Variants in CALB2 observed in about 807,000 individuals in gnomAD.
CALB2 encodes calretinin.
A neutral mutation model predicts 45.9 loss-of-function variants in CALB2; 34 were observed. That is an observed-to-expected ratio of 0.74 (90% CI 0.56 to 0.99). The LOEUF (loss-of-function observed/expected upper bound fraction) is 0.99. CALB2 is among the 50% of genes least tolerant of loss of function. The pLI, the probability that CALB2 is intolerant of heterozygous loss-of-function variation, is 0.00. For synonymous variants in CALB2, 142 were observed against 129.6 expected (o/e 1.10, Z -0.65); for missense variants, 344 against 339.3 (o/e 1.01, Z -0.11).
intron 2 of CALB2, among the ~76,000 whole-genome samples, chr16:71,372,655 G>A (rs1450587686): frequency 6.6e-6 from 1 of 152,186 alleles, no homozygotes; most frequent in African/African-American, 2.4e-5. Context: ...TGGCATTTGA[G>A]GCTGAATAAT....
At chr16:71,367,427 C>T (rs1454147688) in intron 1 of CALB2, among the ~76,000 whole-genome samples, 2 of 152,174 alleles carry the variant, frequency 1.3e-5, no homozygotes, top group Admixed American at 6.5e-5. Flanking sequence ...AGGGTGTGCA[C>T]CAGCCCCTCC....
At position 71,372,224 on chromosome 16, in the gene CALB2, G is replaced by C. The variant is rs2042359735; in HGVS notation, c.166G>C (p.Gly56Arg). The C allele has an allele frequency of 6.2e-7, 1 of 1,612,138 alleles. No individual in the cohort carries two copies. Among genetic ancestry groups the C allele is most frequent in the African/African-American group, 1.3e-5 (1 of 74,850 alleles). Residue 56 changes from glycine (G) to arginine (R), a missense_variant, in exon 2 of 11, where the codon GGC becomes CGC. Physicochemically the swap from Gly to Arg is moderately radical, Grantham distance 125. Transcript: ENST00000302628. ...GCTGGAGAAGGCAAGGAAAGGCTCTGGCATGGTAAGCCCAGCCCTGTCTCC... is the reference window on the plus strand; with the variant it reads ...GCTGGAGAAGGCAAGGAAAGGCTCTCGCATGGTAAGCCCAGCCCTGTCTCC... ...QELEKARKGS[G>R]MMSKSDNFGE...
At position 71,389,793 on chromosome 16, in the gene CALB2, G is replaced by A. The variant is rs753925041; in HGVS notation, c.744G>A (p.Met248Ile). ...TCACCAACTACAGAAAGAGCGTCATGTCCTTGGCAGAGGCAGGGAAGCTCT... is the reference window on the plus strand; with the variant it reads ...TCACCAACTACAGAAAGAGCGTCATATCCTTGGCAGAGGCAGGGAAGCTCT... ...QQLTNYRKSV[M>I]SLAEAGKLYR... The change falls in exon 11 of 11, where the codon ATG (methionine) becomes ATA (isoleucine). Residue 248 changes from methionine (M) to isoleucine (I), a missense_variant. Met to Ile is a conservative substitution (Grantham distance 10). This residue lies in a region of CALB2 where 263 missense variants were observed against 241.7 expected (regional missense o/e 1.09). Coordinates refer to ENST00000302628, the MANE Select transcript of CALB2 (RefSeq NM_001740.5). 15 of 1,613,972 alleles carry A rather than the reference G, an allele frequency of 9.3e-6. No homozygotes were observed. The highest frequency in any genetic ancestry group is 1.7e-5 in the Admixed American group (1 of 60,008).
chr16:71,382,646 A>C, intron 4 of CALB2, 73 bp from the exon 5 acceptor site: 1 of 1,481,462 alleles, frequency 6.8e-7, no homozygotes, highest in Non-Finnish European at 9.3e-7. Context: ...GTGGCCCATT[A>C]AAGGGGAATG....
intron 1 of CALB2, 126 bp downstream of exon 1, chr16:71,359,012 C>G: frequency 3.9e-6 from 3 of 772,210 alleles, no homozygotes; most frequent in Non-Finnish European, 2.2e-6. Context: ...GTCGCAGAGC[C>G]TGCTGGGGTA....
At chr16:71,382,086 G>A (rs1271376079) in intron 4 of CALB2, among the ~76,000 whole-genome samples, 1 of 136,080 alleles carries the variant, frequency 7.3e-6, no homozygotes, top group East Asian at 2.1e-4. Flanking sequence ...GAGGAAGAAA[G>A]AAAGAGAAAG....
At chr16:71,365,080 C>A (rs571409135) in intron 1 of CALB2, among the ~76,000 whole-genome samples, 2 of 152,128 alleles carry the variant, frequency 1.3e-5, no homozygotes, top group Non-Finnish European at 2.9e-5. Flanking sequence ...TGGGGCAGAG[C>A]CTGGGGAAGC....
chr16:71,376,559 C>A (rs529465115), intron 3 of CALB2, among the ~76,000 whole-genome samples: 1 of 152,238 alleles, frequency 6.6e-6, no homozygotes, highest in African/African-American at 2.4e-5. Flanking sequence ...CCACACACAC[C>A]CACATACATC....
chr16:71,383,465 C>A, intron 6 of CALB2, 21 bp downstream of exon 6: 1 of 1,610,556 alleles, frequency 6.2e-7, no homozygotes, highest in Non-Finnish European at 8.5e-7. Flanking sequence ...AGAAGTGTCC[C>A]TCTCCCCCAG....
chr16:71,378,236 G>A (rs538817430), intron 4 of CALB2, among the ~76,000 whole-genome samples: 6 of 152,062 alleles, frequency 3.9e-5, no homozygotes, highest in Non-Finnish European at 7.4e-5. Context: ...AAAAAAGAAA[G>A]AAAGAAAGGG....
intron 10 of CALB2, 182 bp from the exon 11 acceptor site, chr16:71,389,567 A>G (rs1156332282): frequency 1.3e-6 from 1 of 745,324 alleles, no homozygotes; most frequent in South Asian, 1.4e-5. Context: ...AGTAAGTGAA[A>G]GAGAGGCTTT....
At chr16:71,383,278 T>G in intron 5 of CALB2, 89 bp from the exon 6 acceptor site, 1 of 1,164,588 alleles carries the variant, frequency 8.6e-7, no homozygotes, top group Non-Finnish European at 1.3e-6. Context: ...ACACACACAT[T>G]GAGAGACTGT....
chr16:71,373,352 G>T (rs754096116), intron 2 of CALB2, among the ~76,000 whole-genome samples: 2 of 152,164 alleles, frequency 1.3e-5, no homozygotes, highest in Non-Finnish European at 2.9e-5. Flanking sequence ...CAAAGTGATG[G>T]GCTTAAAGGG....
chr16:71,382,054 AGGAGAG>A (rs1172624097), intron 4 of CALB2, among the ~76,000 whole-genome samples: 1 of 98,772 alleles, frequency 1.0e-5, no homozygotes, highest in East Asian at 3.6e-4. Flanking sequence ...TAGGAGGAGG[AGGAGAG>A]GGGGAGGGGG....
chr16:71,383,261 A>AAC (rs144379937), intron 5 of CALB2, 106 bp from the exon 6 acceptor site: 165 of 1,016,234 alleles, frequency 1.6e-4, no homozygotes, highest in East Asian at 4.4e-4. Flanking sequence ...AGACCTGAAA[A>AAC]ACACACACAC....
intron 6 of CALB2, 100 bp downstream of exon 6, chr16:71,383,544 G>T (rs2042526044): frequency 9.3e-7 from 1 of 1,069,790 alleles, no homozygotes; most frequent in Non-Finnish European, 1.4e-6. Context: ...TGATTCTTCA[G>T]GCCCAAGGGA....
At chr16:71,365,651 C>T (rs2042275977) in intron 1 of CALB2, among the ~76,000 whole-genome samples, 1 of 152,174 alleles carries the variant, frequency 6.6e-6, no homozygotes, top group African/African-American at 2.4e-5. Context: ...GCATTCCTAA[C>T]AAGCACCCAG....
At chr16:71,379,303 AAATAAAT>A in intron 4 of CALB2, among the ~76,000 whole-genome samples, 1 of 151,698 alleles carries the variant, frequency 6.6e-6, no homozygotes, top group African/African-American at 2.4e-5. Context: ...ATAAATAAAT[AAATAAAT>A]AAATAAAATT....
At chr16:71,385,056 C>T (rs2042554717) in intron 9 of CALB2, among the ~76,000 whole-genome samples, 1 of 152,152 alleles carries the variant, frequency 6.6e-6, no homozygotes, top group Non-Finnish European at 1.5e-5. Context: ...AGCCGAGAAT[C>T]GTTGGGGGAG....
Sources: gnomAD v4.1 joint callset for allele counts (sites outside exome capture counted in the v4.1 genomes callset) on GRCh38, gnomAD v4.1.1 for gene constraint, gnomAD v4.1.1 regional missense constraint, MANE v1.5 for transcripts, NCBI Gene and HGNC (gene_info 2026-07-23, HGNC 2026-07-21) for gene names.